The following PRDM16 variants were observed in gnomAD, a reference collection of about 807,000 sequenced individuals.
PRDM16 encodes PR/SET domain 16, also known as histone-lysine N-methyltransferase PRDM16.
Under a neutral mutation model 110.6 loss-of-function variants are expected in PRDM16, and 23 were observed. The observed-to-expected ratio is 0.21, with a 90% CI of 0.15 to 0.29. The LOEUF (loss-of-function observed/expected upper bound fraction) is 0.29. Ranked by LOEUF, PRDM16 falls within the 10% of genes least tolerant of loss-of-function variation. The pLI, the probability that PRDM16 is intolerant of heterozygous loss-of-function variation, is 1.00. For synonymous variants in PRDM16, 799 were observed against 781.8 expected (o/e 1.02, Z -0.37); for missense variants, 1,615 against 1,794.3 (o/e 0.90, Z 1.81).
intron 2 of PRDM16, among the ~76,000 whole-genome samples, chr1:3,222,330 G>A (rs1488420586): frequency 2.6e-5 from 4 of 151,818 alleles, no homozygotes; most frequent in African/African-American, 9.7e-5. Context: ...ATTTTCCAGC[G>A]TTCTGAGCTG....
intron 1 of PRDM16, among the ~76,000 whole-genome samples, chr1:3,082,193 G>A (rs1642045371): frequency 6.6e-6 from 1 of 152,186 alleles, no homozygotes; most frequent in Non-Finnish European, 1.5e-5. Context: ...CAGGAAGGTG[G>A]GAGGCCCCCG....
In PRDM16 at chr1:3,201,773, G is replaced by A. The variant is rs190619502; in HGVS notation, c.387+15299G>A. Reference sequence around the variant, plus strand: ...GGTCGTGTCTGCCCCGCTTCCACGCGAGCCCTCTCCCACCTGGCCTCTGTT... The same window carrying A: ...GGTCGTGTCTGCCCCGCTTCCACGCAAGCCCTCTCCCACCTGGCCTCTGTT... On this transcript the variant is annotated intron_variant, in intron 2 of 16. Transcript: ENST00000270722. This position sits in a 1 kb window ranked among gnomAD's most constrained non-coding sequence, Gnocchi z 4.1. Among the ~76,000 whole-genome samples the A allele has an allele frequency of 9.1e-3, 1,387 of 152,276 alleles. 10 individuals carry two copies. Among genetic ancestry groups the A allele is most frequent in the Non-Finnish European group, 0.015 (1,020 of 68,018 alleles).
intron 3 of PRDM16, among the ~76,000 whole-genome samples, chr1:3,248,560 C>T (rs1050903711): frequency 1.3e-5 from 2 of 152,120 alleles, no homozygotes; most frequent in Non-Finnish European, 2.9e-5. Context: ...GCCCCTAGGG[C>T]GAGGGGCGGG....
intron 2 of PRDM16, among the ~76,000 whole-genome samples, chr1:3,241,165 G>A (rs544170019): frequency 7.9e-4 from 120 of 152,370 alleles, no homozygotes; most frequent in African/African-American, 2.7e-3. Context: ...CTGCCCAGGC[G>A]GGCGGTGAGA....
intron 3 of PRDM16, among the ~76,000 whole-genome samples, chr1:3,367,639 C>T (rs189149200): frequency 6.6e-6 from 1 of 152,304 alleles, no homozygotes; most frequent in East Asian, 1.9e-4. Flanking sequence ...CCTAGGTTCA[C>T]AAGGAGAACT....
intron 2 of PRDM16, among the ~76,000 whole-genome samples, chr1:3,233,985 C>T (rs959655090): frequency 1.3e-5 from 2 of 151,932 alleles, no homozygotes; most frequent in African/African-American, 4.8e-5. Flanking sequence ...AGGATGGGCA[C>T]AGGGCCCACT....
intron 2 of PRDM16, among the ~76,000 whole-genome samples, chr1:3,196,619 C>A (rs1216694109): frequency 6.6e-6 from 1 of 152,210 alleles, no homozygotes; most frequent in Non-Finnish European, 1.5e-5. Flanking sequence ...GTTCCTGACC[C>A]AGATGGTCAG....
chr1:3,292,358 A>G (rs550266485), intron 3 of PRDM16, among the ~76,000 whole-genome samples: 55 of 152,278 alleles, frequency 3.6e-4, no homozygotes, highest in African/African-American at 1.3e-3. Flanking sequence ...CCTGGGAATC[A>G]AAGTGGTGTC....
chr1:3,302,623 T>C (rs980638348), intron 3 of PRDM16, among the ~76,000 whole-genome samples: 22 of 152,230 alleles, frequency 1.4e-4, no homozygotes, highest in Non-Finnish European at 1.0e-4. Flanking sequence ...CAAGCTGCCC[T>C]AAGACATGTA....
chr1:3,168,488 T>C (rs1643987499), intron 1 of PRDM16, among the ~76,000 whole-genome samples: 1 of 150,404 alleles, frequency 6.6e-6, no homozygotes, highest in African/African-American at 2.5e-5. Context: ...GTAAATTAGT[T>C]GCTAATGAGG....
intron 1 of PRDM16, among the ~76,000 whole-genome samples, chr1:3,139,080 A>G (rs555310728): frequency 8.2e-4 from 125 of 152,256 alleles, no homozygotes; most frequent in Non-Finnish European, 9.1e-4. Context: ...GCAGGGGTCC[A>G]GTTTGTCTCC....
rs959766654 is a variant in PRDM16, at chr1:3,234,756, C to T, written c.388-9331C>T. ...CTACAAGGAGAGCTCCCATTTTCCA[C>T]TCACTGACTCATGATTTATTATTCG... On this transcript the variant is annotated intron_variant, in intron 2 of 16. Transcript: ENST00000270722. 3.3e-5 allele frequency among the ~76,000 whole-genome samples: 5 copies of T among 152,238 alleles called. No individual in the cohort carries two copies. In the South Asian group the frequency reaches 8.3e-4, roughly 25 times the overall value.
chr1:3,147,689 C>G (rs907986619), intron 1 of PRDM16, among the ~76,000 whole-genome samples: 6 of 152,144 alleles, frequency 3.9e-5, no homozygotes, highest in African/African-American at 1.2e-4. Context: ...ATCTGGGCAC[C>G]CAGGACTTGG....
At chr1:3,275,552 G>T (rs895540239) in intron 3 of PRDM16, among the ~76,000 whole-genome samples, 1 of 152,134 alleles carries the variant, frequency 6.6e-6, no homozygotes, top group African/African-American at 2.4e-5. Flanking sequence ...GTTCAGGACG[G>T]GTCACCCTGT....
At chr1:3,123,319 C>A (rs1027691747) in intron 1 of PRDM16, among the ~76,000 whole-genome samples, 2 of 152,236 alleles carry the variant, frequency 1.3e-5, no homozygotes, top group Non-Finnish European at 2.9e-5. Flanking sequence ...CAGTCCTGGG[C>A]TGAGGGGTTC....
chr1:3,117,802 A>AC (rs994071697), intron 1 of PRDM16, among the ~76,000 whole-genome samples: 5 of 151,610 alleles, frequency 3.3e-5, no homozygotes, highest in Admixed American at 1.3e-4. Flanking sequence ...GGGACCACAG[A>AC]CCCCAGGGCT....
chr1:3,287,343 CATTT>C (rs1290192206), intron 3 of PRDM16, among the ~76,000 whole-genome samples: 1,373 of 115,740 alleles, frequency 0.012, 173 homozygotes, highest in Middle Eastern at 0.031. Context: ...TCCAGGATTG[CATTT>C]ACCGGGGCTG....
intron 1 of PRDM16, among the ~76,000 whole-genome samples, chr1:3,158,877 A>G (rs1643878084): frequency 6.6e-6 from 1 of 150,926 alleles, no homozygotes; most frequent in Non-Finnish European, 1.5e-5. Flanking sequence ...GGGTTCAAGC[A>G]ATTCTCCCTG....
At position 3,412,246 on chromosome 1, in the gene PRDM16, G is replaced by T; in HGVS notation, c.2049G>T (p.Leu683=). Residue 683 remains leucine (L), a synonymous_variant, in exon 9 of 17, where the codon CTG becomes CTT. Coordinates refer to ENST00000270722, the MANE Select transcript of PRDM16 (RefSeq NM_022114.4). ...TCCCGCCACCCGACGAGCAGCTGCTGACTGCAACGGGCGCCGCCGGGGACT... is the reference window on the plus strand; with the variant it reads ...TCCCGCCACCCGACGAGCAGCTGCTTACTGCAACGGGCGCCGCCGGGGACT... ...SFFPPPDEQL[L]TATGAAGDSI... The T allele has an allele frequency of 6.2e-7, 1 of 1,610,962 alleles. No individual in the cohort carries two copies. Among genetic ancestry groups the T allele is most frequent in the Non-Finnish European group, 8.5e-7 (1 of 1,178,042 alleles).
Sources: gnomAD v4.1 joint callset for allele counts (sites outside exome capture counted in the v4.1 genomes callset) on GRCh38, gnomAD v4.1.1 for gene constraint, Gnocchi (gnomAD v3.1) non-coding constraint, MANE v1.5 for transcripts, NCBI Gene and HGNC (gene_info 2026-07-23, HGNC 2026-07-21) for gene names.